IFT80: variants seen among roughly 807,000 people sequenced by gnomAD.
IFT80 encodes the protein intraflagellar transport 80, also known as intraflagellar transport protein 80 homolog.
Under a neutral mutation model 107.9 loss-of-function variants are expected in IFT80, and 79 were observed. The observed-to-expected ratio is 0.73, with a 90% confidence interval of 0.61 to 0.88. The LOEUF is 0.88. IFT80 is among the 40% of genes least tolerant of loss of function. The pLI, the probability that IFT80 is intolerant of heterozygous loss-of-function variation, is 0.00. For missense variants in IFT80, 797 were observed against 914.2 expected (o/e 0.87, Z 1.65); for synonymous variants, 299 against 300.9 (o/e 0.99, Z 0.07).
chr3:160,352,555 C>A lies in IFT80; in HGVS notation c.777+3458G>T, dbSNP rs145074475. ...CCTCTGAGGACAGCCTGCATAAAGA[C>A]AACTAGGAAACTTCCTAAAAATACC... On this transcript the variant is annotated intron_variant, in intron 8 of 19. Coordinates refer to ENST00000326448, the MANE Select transcript of IFT80 (RefSeq NM_020800.3). Among the ~76,000 whole-genome samples, 7 of 152,138 alleles carry A rather than the reference C, an allele frequency of 4.6e-5. No homozygotes were observed. The East Asian group carries it at 1.2e-3, about 25-fold the overall frequency.
chr3:160,396,962 A>G (rs945361285), intron 1 of IFT80, among the ~76,000 whole-genome samples: 1 of 152,196 alleles, frequency 6.6e-6, no homozygotes, highest in Non-Finnish European at 1.5e-5. Context: ...CCTTTTCAAA[A>G]TAGTTTTCTG....
chr3:160,279,816 C>T (rs1311855228), intron 15 of IFT80, among the ~76,000 whole-genome samples: 3 of 152,182 alleles, frequency 2.0e-5, no homozygotes. Context: ...CAGTGGCTCA[C>T]ACCTGCAGCC....
chr3:160,314,684 C>T (rs2108290631), intron 9 of IFT80, among the ~76,000 whole-genome samples: 1 of 152,248 alleles, frequency 6.6e-6, no homozygotes, highest in South Asian at 2.1e-4. Context: ...TGTTTAGTCT[C>T]ACTGAAATCC....
At chr3:160,337,478 A>T (rs1484838918) in intron 8 of IFT80, among the ~76,000 whole-genome samples, 1 of 152,068 alleles carries the variant, frequency 6.6e-6, no homozygotes, top group Non-Finnish European at 1.5e-5. Context: ...GAAAAAAAAT[A>T]GCTGGGTGTG....
chr3:160,301,831 T>C (rs566552863), intron 11 of IFT80, among the ~76,000 whole-genome samples: 3 of 152,064 alleles, frequency 2.0e-5, no homozygotes, highest in Middle Eastern at 3.4e-3. Flanking sequence ...CCTACCTCCA[T>C]AGAGATAACT....
At chr3:160,366,855 T>C (rs942396481) in intron 5 of IFT80, among the ~76,000 whole-genome samples, 3 of 152,058 alleles carry the variant, frequency 2.0e-5, no homozygotes, top group Admixed American at 6.6e-5. Flanking sequence ...TGTTATCAAA[T>C]ACTAGGCCTT....
intron 14 of IFT80, among the ~76,000 whole-genome samples, chr3:160,281,922 C>T (rs1714720584): frequency 6.6e-6 from 1 of 152,196 alleles, no homozygotes; most frequent in Non-Finnish European, 1.5e-5. Context: ...TGCACTTGAT[C>T]TCTCAAGCTG....
intron 18 of IFT80, among the ~76,000 whole-genome samples, chr3:160,270,193 G>A (rs1170086019): frequency 6.6e-6 from 1 of 152,198 alleles, no homozygotes; most frequent in Non-Finnish European, 1.5e-5. Context: ...TAGAGACGTG[G>A]TTTCACCACA....
At chr3:160,341,397 AGTGGTGGTAGGAACTTGGCATG>A (rs1326570552) in intron 8 of IFT80, among the ~76,000 whole-genome samples, 2 of 152,176 alleles carry the variant, frequency 1.3e-5, no homozygotes, top group Non-Finnish European at 2.9e-5. Flanking sequence ...GTTGTCACCA[AGTGGTGGTAGGAACTTGGCATG>A]TGGTACTGGA....
chr3:160,305,071 GGGGT>G (rs1230902714), intron 10 of IFT80, among the ~76,000 whole-genome samples: 3 of 152,076 alleles, frequency 2.0e-5, no homozygotes, highest in African/African-American at 7.2e-5. Flanking sequence ...ATCAAAGATC[GGGGT>G]GGGTAAAGAG....
At chr3:160,293,603 T>C (rs1284399292) in intron 12 of IFT80, among the ~76,000 whole-genome samples, 1 of 152,186 alleles carries the variant, frequency 6.6e-6, no homozygotes. Context: ...GTCTGGTCTT[T>C]GTCCTGGGCT....
At position 160,298,459 on chromosome 3, in the gene IFT80, CAG is replaced by C. The variant is rs112071297; in HGVS notation, c.1315+2422_1315+2423del. Among the ~76,000 whole-genome samples the C allele has an allele frequency of 1.7e-3, 260 of 152,148 alleles. 1 individual carries two copies. Among genetic ancestry groups the C allele is most frequent in the African/African-American group, 5.8e-3 (240 of 41,512 alleles). On this transcript the variant is annotated intron_variant, in intron 12 of 19. Coordinates refer to ENST00000326448, the MANE Select transcript of IFT80 (RefSeq NM_020800.3). ...TTAACAAAAACTTACATAAGTAAAA[CAG>C]ATACTTAATTGGCATATAAATTCAT...
chr3:160,288,650 A>C (rs973764185), intron 12 of IFT80, among the ~76,000 whole-genome samples: 1 of 152,170 alleles, frequency 6.6e-6, no homozygotes, highest in Non-Finnish European at 1.5e-5. Context: ...AAGAAAAAAA[A>C]CACTAAAAAC....
chr3:160,261,801 CAAAA>C (rs557472950), intron 19 of IFT80, among the ~76,000 whole-genome samples: 9 of 66,714 alleles, frequency 1.3e-4, no homozygotes, highest in African/African-American at 4.5e-5. Context: ...GACCCTGTCT[CAAAA>C]AAAAAAAAAA....
chr3:160,266,606 A>G (rs1233613650), intron 19 of IFT80, among the ~76,000 whole-genome samples: 1 of 151,648 alleles, frequency 6.6e-6, no homozygotes, highest in Non-Finnish European at 1.5e-5. Context: ...CTGGTCTCAA[A>G]CTCCTGGACT....
chr3:160,296,616 C>A (rs1716002380), intron 12 of IFT80, among the ~76,000 whole-genome samples: 1 of 151,430 alleles, frequency 6.6e-6, no homozygotes, highest in South Asian at 2.1e-4. Context: ...CTTTTTTTAA[C>A]CCTAAACTTT....
chr3:160,390,638 T>C (rs938231999), intron 1 of IFT80, among the ~76,000 whole-genome samples: 1 of 152,170 alleles, frequency 6.6e-6, no homozygotes, highest in African/African-American at 2.4e-5. Flanking sequence ...GCAATATCCA[T>C]TCATCCCTGC....
At chr3:160,294,157 C>G (rs150138996) in intron 12 of IFT80, among the ~76,000 whole-genome samples, 1 of 152,276 alleles carries the variant, frequency 6.6e-6, no homozygotes, top group South Asian at 2.1e-4. Context: ...GGAACCCCCA[C>G]CCCCACAAAA....
intron 6 of IFT80, among the ~76,000 whole-genome samples, chr3:160,364,183 G>A (rs1189900678): frequency 9.9e-5 from 15 of 152,108 alleles, no homozygotes; most frequent in African/African-American, 3.4e-4. Flanking sequence ...CCATCAAAAA[G>A]TGGGCAAAGG....
Sources: gnomAD v4.1 joint callset for allele counts (sites outside exome capture counted in the v4.1 genomes callset) on GRCh38, gnomAD v4.1.1 for gene constraint, MANE v1.5 for transcripts, NCBI Gene and HGNC (gene_info 2026-07-23, HGNC 2026-07-21) for gene names.